CEP68: variants seen among roughly 807,000 people sequenced by gnomAD.
CEP68 encodes centrosomal protein 68, also known as centrosomal protein of 68 kDa.
In CEP68, 26 loss-of-function variants were observed where a neutral mutation model predicts 55.3. The observed-to-expected ratio is 0.47, with a 90% confidence interval of 0.34 to 0.65. CEP68 has a LOEUF of 0.65. Among genes scored for constraint, CEP68 ranks in the 30% least tolerant of loss-of-function variants. The pLI is 0.01. For synonymous variants in CEP68, 402 were observed against 383.2 expected, an observed-to-expected ratio of 1.05 and a Z score of -0.57; for missense variants, 957 against 946.7, an observed-to-expected ratio of 1.01 and a Z score of -0.14.
rs1414647235 is a variant in CEP68 at position 65,074,337 on chromosome 2, T to A, written c.1940T>A (p.Val647Asp). 1.1e-5 allele frequency: 17 copies of A among 1,614,128 alleles called. No homozygotes were observed. The highest frequency in any genetic ancestry group is 1.4e-5 in the Non-Finnish European group (17 of 1,180,056). ...LICWLYNVAD[V>D]TDHGTAARSN... ...TGCTGGCTGTATAATGTTGCAGATG[T>A]TACTGACCACGGGACTGCAGCCAGG... is the stretch of plus-strand genomic sequence containing the variant. The change falls in exon 4 of 7, where the codon GTT (valine) becomes GAT (aspartate). Residue 647 changes from valine (V) to aspartate (D), a missense_variant. Transcript: ENST00000377990.
chr2:65,083,279 A>G (rs1015688578), intron 6 of CEP68, among the ~76,000 whole-genome samples: 1 of 152,220 alleles, frequency 6.6e-6, no homozygotes, highest in Non-Finnish European at 1.5e-5. Context: ...GACACCTTGG[A>G]GACTTAACTG....
intron 4 of CEP68, 21 bp from the exon 5 acceptor site, chr2:65,077,846 TC>T: frequency 6.3e-7 from 1 of 1,580,498 alleles, no homozygotes; most frequent in South Asian, 1.1e-5. Context: ...TTCTGCCTTT[TC>T]TTTTTCTGAT....
chr2:65,074,143 G>C, intron 3 of CEP68, 139 bp from the exon 4 acceptor site: 1 of 946,308 alleles, frequency 1.1e-6, no homozygotes, highest in Non-Finnish European at 1.6e-6. Context: ...TCGTGGAGTC[G>C]GGACAGGTGA....
intron 1 of CEP68, among the ~76,000 whole-genome samples, chr2:65,067,364 A>G (rs1676243969): frequency 6.6e-6 from 1 of 152,106 alleles, no homozygotes; most frequent in Non-Finnish European, 1.5e-5. Flanking sequence ...AGCCTGGGTG[A>G]TGGAGCAAGA....
chr2:65,082,449 C>A lies in CEP68; in HGVS notation c.2105-87C>A, dbSNP rs530591910. ...GTCCTACTTTGTGTAAAATACTATA[C>A]CCTTGTATGTTCTTTTGAAAATGCT... On this transcript the variant is annotated intron_variant, in intron 5 of 6. Coordinates refer to ENST00000377990, the MANE Select transcript of CEP68 (RefSeq NM_015147.3). The A allele has an allele frequency of 7.6e-4, 942 of 1,241,242 alleles. 1 individual carries two copies. Among genetic ancestry groups the A allele is most frequent in the Non-Finnish European group, 9.8e-4 (897 of 919,580 alleles). 76.9% of individuals were successfully genotyped at this position (1,241,242 alleles called of 1,614,324 possible). A position where few individuals can be genotyped will look rare whatever the true frequency, so the allele number is the denominator to read the frequency against.
At chr2:65,073,102 G>A (rs764608997) in intron 3 of CEP68, 122 bp downstream of exon 3, 3 of 1,051,074 alleles carry the variant, frequency 2.9e-6, no homozygotes, top group South Asian at 1.3e-5. Context: ...CAGGCATTGT[G>A]CTGTACCTTA....
intron 1 of CEP68, among the ~76,000 whole-genome samples, chr2:65,058,025 G>A (rs1010138902): frequency 1.3e-5 from 2 of 152,106 alleles, no homozygotes; most frequent in Non-Finnish European, 2.9e-5. Flanking sequence ...TGAGTTATTA[G>A]GATTAAATAA....
intron 1 of CEP68, among the ~76,000 whole-genome samples, chr2:65,066,104 C>T (rs1297064506): frequency 6.6e-6 from 1 of 152,130 alleles, no homozygotes; most frequent in African/African-American, 2.4e-5. Context: ...AGGGCACGCT[C>T]ACTCATCTAC....
intron 1 of CEP68, among the ~76,000 whole-genome samples, chr2:65,068,644 T>G (rs570445949): frequency 4.2e-4 from 64 of 152,114 alleles, no homozygotes; most frequent in South Asian, 1.2e-3. Flanking sequence ...CTGGGCAACA[T>G]GGTGAAACCC....
intron 4 of CEP68, among the ~76,000 whole-genome samples, chr2:65,075,556 G>A (rs187286182): frequency 1.3e-5 from 2 of 152,246 alleles, no homozygotes; most frequent in Admixed American, 6.5e-5. Context: ...GGATGACTGC[G>A]TCCCAGTTTG....
intron 1 of CEP68, among the ~76,000 whole-genome samples, chr2:65,063,373 A>G (rs1676004389): frequency 6.6e-6 from 1 of 151,970 alleles, no homozygotes; most frequent in Non-Finnish European, 1.5e-5. Context: ...ATTCAGTCCA[A>G]CCTCCTGGCA....
chr2:65,069,904 G>A (rs923578210), intron 2 of CEP68, 103 bp downstream of exon 2: 2 of 1,068,688 alleles, frequency 1.9e-6, no homozygotes, highest in African/African-American at 3.1e-5. Context: ...ACTGTGCAGG[G>A]TGAGGAATTG....
At position 65,084,323 on chromosome 2, in the gene CEP68, A is replaced by T. The variant is rs780847280; in HGVS notation, c.*689A>T. The T allele has an allele frequency of 6.6e-6, 1 of 152,302 alleles. No individual in the cohort carries two copies. The highest frequency in any genetic ancestry group is 1.9e-4 in the East Asian group (1 of 5,184). The allele number at this position is 152,302 out of a possible 1,614,324, so 9.4% of individuals were successfully genotyped here. A position where few individuals can be genotyped will look rare whatever the true frequency, so the allele number is the denominator to read the frequency against. On this transcript the variant is annotated 3_prime_UTR_variant, in exon 7 of 7. Coordinates refer to ENST00000377990, the MANE Select transcript of CEP68 (RefSeq NM_015147.3). The stretch of plus-strand genomic sequence containing the variant: ...TCTACAGTCATGCTTTAGCATGGCT[A>T]TGGAGCTAATTATCAAGCTTAAAGG...
chr2:65,077,460 T>G (rs983316784), intron 4 of CEP68, among the ~76,000 whole-genome samples: 6 of 152,094 alleles, frequency 3.9e-5, no homozygotes, highest in Non-Finnish European at 7.4e-5. Flanking sequence ...GGAGCAGAGG[T>G]AGAGACAGTG....
At chr2:65,073,625 A>G (rs1676612225) in intron 3 of CEP68, 2 of 162,000 alleles carry the variant, frequency 1.2e-5, no homozygotes, top group Non-Finnish European at 2.7e-5. Context: ...GCTCATTTGT[A>G]AAATGTGGAG....
In CEP68 at chr2:65,084,741, T is replaced by A. The variant is rs1668978608; in HGVS notation, c.*1107T>A. On this transcript the variant is annotated 3_prime_UTR_variant, in exon 7 of 7. Coordinates refer to ENST00000377990, the MANE Select transcript of CEP68 (RefSeq NM_015147.3). ...TTTTCTGCTTCAGAATTTCTGAGAC[T>A]TTATAGTCACTGGAAAATAGCCATT... 1 of 152,228 alleles carries A rather than the reference T, an allele frequency of 6.6e-6. No individual in the cohort carries two copies. Among genetic ancestry groups the A allele is most frequent in the African/African-American group, 2.4e-5 (1 of 41,462 alleles). 9.4% of individuals were successfully genotyped at this position (152,228 alleles called of 1,614,324 possible). A position where few individuals can be genotyped will look rare whatever the true frequency, so the allele number is the denominator to read the frequency against.
chr2:65,064,251 A>C (rs1231438613), intron 1 of CEP68, among the ~76,000 whole-genome samples: 1 of 152,216 alleles, frequency 6.6e-6, no homozygotes, highest in Non-Finnish European at 1.5e-5. Flanking sequence ...CTCCAGGCTA[A>C]ATAGATACCT....
chr2:65,059,993 T>C (rs966757883), intron 1 of CEP68, among the ~76,000 whole-genome samples: 1 of 151,834 alleles, frequency 6.6e-6, no homozygotes. Flanking sequence ...TATTTTTTGT[T>C]TTAACAATTT....
chr2:65,078,825 T>G (rs1041235814), intron 5 of CEP68, among the ~76,000 whole-genome samples: 1 of 152,246 alleles, frequency 6.6e-6, no homozygotes, highest in African/African-American at 2.4e-5. Context: ...ATTACAGGCG[T>G]GAGCCACTGC....
Sources: allele counts gnomAD v4.1 joint callset (sites outside exome capture counted in the v4.1 genomes callset), GRCh38; gene constraint gnomAD v4.1.1; transcripts MANE v1.5; gene names NCBI Gene and HGNC (gene_info 2026-07-23, HGNC 2026-07-21).